SULT1E1: variants seen among roughly 807,000 people sequenced by gnomAD.
SULT1E1 encodes sulfotransferase 1E1.
A neutral mutation model predicts 33.6 loss-of-function variants in SULT1E1; 36 were observed. The observed-to-expected ratio is 1.07, with a 90% CI of 0.82 to 1.41. The LOEUF is 1.41. SULT1E1 is among the 40% of genes most tolerant of loss of function. The pLI is 0.00. For missense variants in SULT1E1, 371 were observed against 345.7 expected, an observed-to-expected ratio of 1.07 and a Z score of -0.58; for synonymous variants, 121 against 111.7, an observed-to-expected ratio of 1.08 and a Z score of -0.53.
In SULT1E1 at chr4:69,859,959, ATTT is replaced by A. The variant is rs538705336; in HGVS notation, c.-10+87_-10+89del. The A allele has an allele frequency of 1.1e-4, 16 of 152,218 alleles. No homozygotes were observed. In the South Asian group the frequency reaches 3.3e-3, roughly 32 times the overall value. 9.4% of individuals were successfully genotyped at this position (152,218 alleles called of 1,614,324 possible). On this transcript the variant is annotated intron_variant, in intron 1 of 7. Transcript: ENST00000226444. ...CAAGACTTTGGTCTTTGTATATTTT[ATTT>A]TTAAGAGCTTTGTAATACATAATTT...
Position 69,842,007 on chromosome 4 carries a change from C to A in SULT1E1, c.872G>T (p.Arg291Leu). Residue 291 changes from arginine (R) to leucine (L), a missense_variant, in exon 8 of 8, where the codon CGA becomes CTA. Physicochemically the swap from Arg to Leu is moderately radical, Grantham distance 102. Coordinates refer to ENST00000226444, the MANE Select transcript of SULT1E1 (RefSeq NM_005420.3). ...AGAAAGACCTTCTTAGATCTCAGTT[C>A]GAAACTTCAGTGTAGATTCCTTCAT... ...QQMKESTLKFRTEI is the reference protein window; with the variant it reads ...QQMKESTLKFLTEI 1 of 1,598,258 alleles carries A rather than the reference C, an allele frequency of 6.3e-7. No homozygotes were observed. Among genetic ancestry groups the A allele is most frequent in the Admixed American group, 1.7e-5 (1 of 58,632 alleles).
At chr4:69,840,059 A>G (rs1253088948), downstream of SULT1E1, among the ~76,000 whole-genome samples, 1 of 152,210 alleles carries the variant, frequency 6.6e-6, no homozygotes, top group African/African-American at 2.4e-5. Context: ...GTGAAATTTT[A>G]AAAATTATGA....
At chr4:69,844,106 A>T (rs1330309995) in intron 7 of SULT1E1, 55 bp downstream of exon 7, 1 of 1,568,642 alleles carries the variant, frequency 6.4e-7, no homozygotes, top group Non-Finnish European at 8.8e-7. Flanking sequence ...TTTTGCCTAT[A>T]ACCATGTCAC....
the SULT1E1 span, among the ~76,000 whole-genome samples, chr4:69,833,478 GTC>G: frequency 1.3e-5 from 2 of 152,282 alleles, no homozygotes; most frequent in Middle Eastern, 3.4e-3. Flanking sequence ...GGAACTTACT[GTC>G]TGGTTCCTTC....
At chr4:69,839,647 C>A (rs1178763724), downstream of SULT1E1, among the ~76,000 whole-genome samples, 1 of 152,110 alleles carries the variant, frequency 6.6e-6, no homozygotes, top group African/African-American at 2.4e-5. Flanking sequence ...AATTCTGTAG[C>A]TTTCTTGGAA....
chr4:69,842,114 A>T lies in SULT1E1; in HGVS notation c.773-8T>A, dbSNP rs777158908. On this transcript the variant is annotated splice_polypyrimidine_tract_variant and splice_region_variant and intron_variant, in intron 7 of 7. Transcript: ENST00000226444. ...TCCAGTCTCCTGTAATTCCTGTAACAAAAAAGAAAGCTCAATAAATATTAA... is the reference window on the plus strand; with the variant it reads ...TCCAGTCTCCTGTAATTCCTGTAACTAAAAAGAAAGCTCAATAAATATTAA... The T allele has an allele frequency of 2.7e-6, 4 of 1,506,550 alleles. No homozygotes were observed. The African/African-American group carries it at 4.2e-5, about 16-fold the overall frequency. The allele number at this position is 1,506,550 out of a possible 1,614,324, so 93.3% of individuals were successfully genotyped here.
At chr4:69,823,286 G>A in the SULT1E1 span, among the ~76,000 whole-genome samples, 2 of 152,146 alleles carry the variant, frequency 1.3e-5, no homozygotes, top group Non-Finnish European at 2.9e-5. Context: ...AGCCCAGATG[G>A]TCGTTATCTG....
Position 69,855,394 on chromosome 4 carries a change from T to C in SULT1E1, c.178A>G (p.Ile60Val), listed in dbSNP as rs565167986. The change falls in exon 3 of 8, where the codon ATC becomes GTC. Residue 60 changes from isoleucine to valine, a missense_variant. Physicochemically the swap from Ile to Val is conservative, Grantham distance 29. Coordinates refer to ENST00000226444, the MANE Select transcript of SULT1E1 (RefSeq NM_005420.3). Reference protein sequence around the residue: ...TTWVSEIVYMIYKEGDVEKCK... With the variant: ...TTWVSEIVYMVYKEGDVEKCK... ...TTTTCCACATCACCCTCTTTATAGA[T>C]CATATACACAATTTCACTAACCCAG... 5.7e-5 allele frequency: 92 copies of C among 1,612,704 alleles called. 1 individual carries two copies. The South Asian group carries it at 9.7e-4, about 17-fold the overall frequency.
chr4:69,823,010 G>A, the SULT1E1 span, among the ~76,000 whole-genome samples: 7,107 of 152,246 alleles, frequency 0.047, 556 homozygotes, highest in African/African-American at 0.16. Flanking sequence ...TGTGGTATGA[G>A]GAAATACAGC....
chr4:69,826,071 A>C, the SULT1E1 span, among the ~76,000 whole-genome samples: 1 of 152,288 alleles, frequency 6.6e-6, no homozygotes, highest in Admixed American at 6.5e-5. Flanking sequence ...AAGCAGGCCT[A>C]ACAAAAGCTA....
the SULT1E1 span, among the ~76,000 whole-genome samples, chr4:69,825,721 C>T: frequency 1.3e-5 from 2 of 151,864 alleles, no homozygotes; most frequent in African/African-American, 2.4e-5. Flanking sequence ...GACAACAAGT[C>T]GGTTGACCCT....
At chr4:69,831,351 C>T in the SULT1E1 span, among the ~76,000 whole-genome samples, 1 of 152,114 alleles carries the variant, frequency 6.6e-6, no homozygotes, top group African/African-American at 2.4e-5. Context: ...AATATGCTGC[C>T]AAACAGGGTT....
intron 6 of SULT1E1, 88 bp downstream of exon 6, chr4:69,847,610 T>G (rs1291992283): frequency 2.4e-6 from 2 of 838,536 alleles, no homozygotes; most frequent in East Asian, 5.4e-5. Context: ...TCATCATTTA[T>G]TTAAAGGAAT....
At chr4:69,858,434 T>C (rs1721295790) in intron 1 of SULT1E1, among the ~76,000 whole-genome samples, 1 of 152,182 alleles carries the variant, frequency 6.6e-6, no homozygotes, top group Non-Finnish European at 1.5e-5. Context: ...TAATTAGGCA[T>C]ACTTTCTTTC....
chr4:69,844,016 T>G lies in SULT1E1; in HGVS notation c.772+145A>C. The G allele has an allele frequency of 8.5e-6, 6 of 704,302 alleles. No individual in the cohort carries two copies. The South Asian group carries it at 1.0e-4, about 12-fold the overall frequency. The allele number at this position is 704,302 out of a possible 1,614,324, so 43.6% of individuals were successfully genotyped here. ...AATTGCAATGTAATAGAAGTGTAAC[T>G]TAAAGAGTGTATTCAAATATGAAAG... On this transcript the variant is annotated intron_variant, in intron 7 of 7. Transcript: ENST00000226444.
chr4:69,852,462 C>T (rs1350197277), intron 4 of SULT1E1, among the ~76,000 whole-genome samples: 1 of 152,106 alleles, frequency 6.6e-6, no homozygotes, highest in Non-Finnish European at 1.5e-5. Context: ...ATAATCTTTT[C>T]TTCCAAAAAA....
chr4:69,855,558 G>A (rs1280992119), intron 2 of SULT1E1, 132 bp from the exon 3 acceptor site: 3 of 724,282 alleles, frequency 4.1e-6, no homozygotes, highest in Non-Finnish European at 6.2e-6. Flanking sequence ...AATAGCCACA[G>A]ACTCAGGAAA....
At position 69,841,929 on chromosome 4, in the gene SULT1E1, G is replaced by T; in HGVS notation, c.*65C>A. 1.2e-6 allele frequency: 1 copy of T among 834,154 alleles called. No homozygotes were observed. 51.7% of individuals were successfully genotyped at this position (834,154 alleles called of 1,614,324 possible). ...TGTCTTTTCTAGCAATCTAAAATAA[G>T]AAAAAGTGGAGAATAATGAAAAGAA... On this transcript the variant is annotated 3_prime_UTR_variant, in exon 8 of 8. Transcript: ENST00000226444.
chr4:69,838,431 G>T (rs1249973929), downstream of SULT1E1: 1 of 152,044 alleles, frequency 6.6e-6, no homozygotes, highest in African/African-American at 2.4e-5. Flanking sequence ...AGAATTTCTT[G>T]ATTTCTCAGA....
Sources: allele counts gnomAD v4.1 joint callset (sites outside exome capture counted in the v4.1 genomes callset), GRCh38; gene constraint gnomAD v4.1.1; transcripts MANE v1.5; gene names NCBI Gene and HGNC (gene_info 2026-07-23, HGNC 2026-07-21).